The following CEMIP variants were observed in gnomAD, a reference collection of about 807,000 sequenced individuals.
The protein encoded by CEMIP is cell migration-inducing and hyaluronan-binding protein.
Under a neutral mutation model 156.9 loss-of-function variants are expected in CEMIP, and 105 were observed. The ratio of observed to expected loss-of-function variants is 0.67; its 90% CI spans 0.57 to 0.79. The LOEUF (loss-of-function observed/expected upper bound fraction) is 0.79. Ranked by LOEUF, CEMIP falls within the 30% of genes least tolerant of loss-of-function variation. The pLI is 0.00. For synonymous variants in CEMIP, 676 were observed against 668.4 expected, an observed-to-expected ratio of 1.01 and a Z score of -0.17; for missense variants, 1,457 against 1,769.4, an observed-to-expected ratio of 0.82 and a Z score of 3.17.
intron 1 of CEMIP, among the ~76,000 whole-genome samples, chr15:80,869,506 A>G (rs1898219138): frequency 6.6e-6 from 1 of 152,188 alleles, no homozygotes; most frequent in African/African-American, 2.4e-5. Context: ...CAAATAAAAT[A>G]TTTCCCTTGA....
At chr15:80,806,393 C>T (rs755340924) in intron 1 of CEMIP, among the ~76,000 whole-genome samples, 21 of 152,174 alleles carry the variant, frequency 1.4e-4, no homozygotes, top group Non-Finnish European at 2.5e-4. Flanking sequence ...GTCTTTGGAC[C>T]CCAGTTCTGA....
chr15:80,856,869 T>C (rs1398115345), intron 1 of CEMIP, among the ~76,000 whole-genome samples: 1 of 152,162 alleles, frequency 6.6e-6, no homozygotes, highest in East Asian at 1.9e-4. Context: ...CCCAGGGCTG[T>C]AAATTTCACC....
In CEMIP at chr15:80,878,816, C is replaced by A; in HGVS notation, c.190C>A (p.Leu64Met). 6.2e-7 allele frequency: 1 copy of A among 1,614,226 alleles called. No homozygotes were observed. The highest frequency in any genetic ancestry group is 8.5e-7 in the Non-Finnish European group (1 of 1,180,032). ...HHVHIGQGKT[L>M]LLTSSATVYS... ...TGTGCATATCGGCCAGGGCAAGACACTGCTGCTCACCTCTTCTGCCACGGT... is the reference window on the plus strand; with the variant it reads ...TGTGCATATCGGCCAGGGCAAGACAATGCTGCTCACCTCTTCTGCCACGGT... The change falls in exon 4 of 30, where the codon CTG becomes ATG. Residue 64 changes from leucine to methionine, a missense_variant. Leu to Met is a conservative substitution (Grantham distance 15). Transcript: ENST00000394685.
At chr15:80,937,283 C>T (rs1011193236) in intron 24 of CEMIP, among the ~76,000 whole-genome samples, 3 of 152,158 alleles carry the variant, frequency 2.0e-5, no homozygotes, top group South Asian at 2.1e-4. Flanking sequence ...CGAGGCTCTG[C>T]GAGATAAAGT....
intron 28 of CEMIP, among the ~76,000 whole-genome samples, chr15:80,943,479 G>A (rs1901420664): frequency 1.3e-5 from 2 of 152,206 alleles, no homozygotes; most frequent in South Asian, 4.1e-4. Context: ...AGACATTCCA[G>A]TCCAACTGCT....
At chr15:80,942,474 C>T (rs907873545) in intron 27 of CEMIP, 137 bp downstream of exon 27, 3 of 752,982 alleles carry the variant, frequency 4.0e-6, no homozygotes, top group Non-Finnish European at 7.0e-6. Context: ...GGGCTTGGGG[C>T]GGGGAACCTG....
At chr15:80,802,460 G>T (rs1474406307) in intron 1 of CEMIP, among the ~76,000 whole-genome samples, 1 of 152,340 alleles carries the variant, frequency 6.6e-6, no homozygotes, top group African/African-American at 2.4e-5. Flanking sequence ...CAGCAATGCA[G>T]CCTCCAGAGG....
intron 1 of CEMIP, among the ~76,000 whole-genome samples, chr15:80,815,490 TATATAGTAG>T (rs1896770068): frequency 6.6e-6 from 1 of 152,246 alleles, no homozygotes; most frequent in Admixed American, 6.5e-5. Context: ...CAATGCCTGG[TATATAGTAG>T]ATATTCAATG....
chr15:80,899,933 T>C (rs57789196), intron 12 of CEMIP, among the ~76,000 whole-genome samples: 3,809 of 152,292 alleles, frequency 0.025, 80 homozygotes, highest in African/African-American at 0.066. Context: ...TCTGAGCTGA[T>C]GTCACTGCTC....
intron 23 of CEMIP, among the ~76,000 whole-genome samples, chr15:80,935,722 C>T (rs1362143316): frequency 1.3e-5 from 2 of 152,052 alleles, no homozygotes; most frequent in South Asian, 4.2e-4. Context: ...CAGGACATGG[C>T]GTTTTTTTTG....
intron 14 of CEMIP, among the ~76,000 whole-genome samples, chr15:80,913,150 T>C (rs1900132664): frequency 6.6e-6 from 1 of 152,210 alleles, no homozygotes; most frequent in African/African-American, 2.4e-5. Flanking sequence ...CAGGCTCTGA[T>C]ATCCTTTATC....
intron 1 of CEMIP, among the ~76,000 whole-genome samples, chr15:80,810,811 TCCA>T (rs1896653309): frequency 9.0e-6 from 1 of 110,722 alleles, no homozygotes; most frequent in African/African-American, 5.3e-5. Context: ...CAACCATCCA[TCCA>T]TCCATCCATC....
At chr15:80,924,329 C>G (rs1391412373) in intron 17 of CEMIP, among the ~76,000 whole-genome samples, 1 of 152,218 alleles carries the variant, frequency 6.6e-6, no homozygotes, top group Admixed American at 6.5e-5. Flanking sequence ...CAGTGTGGGT[C>G]TGCACATGGA....
chr15:80,859,956 G>T (rs1276182898), intron 1 of CEMIP, among the ~76,000 whole-genome samples: 2 of 152,142 alleles, frequency 1.3e-5, no homozygotes, highest in African/African-American at 4.8e-5. Context: ...AAAGGGTAGG[G>T]TGGATCTGCC....
chr15:80,946,896 AT>A (rs1901578450), intron 28 of CEMIP, 68 bp from the exon 29 acceptor site: 1 of 1,052,078 alleles, frequency 9.5e-7, no homozygotes, highest in East Asian at 2.4e-5. Flanking sequence ...ACAAACCAAC[AT>A]CCCTCCCCAT....
In CEMIP at chr15:80,878,822, C is replaced by T. The variant is rs1898552627; in HGVS notation, c.196C>T (p.Leu66Phe). The T allele has an allele frequency of 1.2e-6, 2 of 1,614,094 alleles. No individual in the cohort carries two copies. The highest frequency in any genetic ancestry group is 8.5e-7 in the Non-Finnish European group (1 of 1,180,050). The change falls in exon 4 of 30, where the codon CTC becomes TTC. Residue 66 changes from leucine to phenylalanine, a missense_variant. Around this residue, in one of 5 missense-constraint regions of CEMIP, gnomAD observed 309 missense variants for 340.8 expected, o/e 0.91. Coordinates refer to ENST00000394685, the MANE Select transcript of CEMIP (RefSeq NM_001293298.2). ...VHIGQGKTLL[L>F]TSSATVYSIH... ...TATCGGCCAGGGCAAGACACTGCTG[C>T]TCACCTCTTCTGCCACGGTCTATTC...
At chr15:80,909,344 G>A in intron 14 of CEMIP, 38 bp downstream of exon 14, 2 of 1,595,884 alleles carry the variant, frequency 1.3e-6, no homozygotes, top group African/African-American at 1.3e-5. Flanking sequence ...CTGGGGATGG[G>A]CCATGGATGG....
intron 1 of CEMIP, among the ~76,000 whole-genome samples, chr15:80,837,889 G>C (rs1897300236): frequency 6.6e-6 from 1 of 152,174 alleles, no homozygotes; most frequent in South Asian, 2.1e-4. Flanking sequence ...GCACAGACTG[G>C]GGTCTCTCAT....
At chr15:80,881,438 T>A (rs551428970) in intron 6 of CEMIP, among the ~76,000 whole-genome samples, 3 of 152,136 alleles carry the variant, frequency 2.0e-5, no homozygotes, top group Admixed American at 6.5e-5. Flanking sequence ...CCACTTTGGA[T>A]AGGGTGGTCA....
Sources: allele counts gnomAD v4.1 joint callset (sites outside exome capture counted in the v4.1 genomes callset), GRCh38; gene constraint gnomAD v4.1.1; regional missense constraint gnomAD v4.1.1; transcripts MANE v1.5; gene names NCBI Gene and HGNC (gene_info 2026-07-23, HGNC 2026-07-21).